TRAPPC9: variants seen among roughly 807,000 people sequenced by gnomAD.
TRAPPC9 encodes trafficking protein particle complex subunit 9.
A neutral mutation model predicts 124.0 loss-of-function variants in TRAPPC9; 83 were observed. The ratio of observed to expected loss-of-function variants is 0.67; its 90% CI spans 0.56 to 0.80. TRAPPC9 has a LOEUF of 0.80. Ranked by LOEUF, TRAPPC9 falls within the 30% of genes least tolerant of loss-of-function variation. The pLI is 0.00. For synonymous variants in TRAPPC9, 638 were observed against 617.5 expected, an observed-to-expected ratio of 1.03 and a Z score of -0.49; for missense variants, 1,302 against 1,508.3, an observed-to-expected ratio of 0.86 and a Z score of 2.27.
chr8:140,051,267 C>T (rs1042022124), intron 17 of TRAPPC9, among the ~76,000 whole-genome samples: 4 of 152,232 alleles, frequency 2.6e-5, no homozygotes, highest in Admixed American at 6.5e-5. Flanking sequence ...GCACCATGAC[C>T]TCAGTGAGCA....
At chr8:139,978,236 T>G (rs1836620790) in intron 19 of TRAPPC9, among the ~76,000 whole-genome samples, 1 of 152,156 alleles carries the variant, frequency 6.6e-6, no homozygotes, top group African/African-American at 2.4e-5. Flanking sequence ...CCCTGGGACC[T>G]TTTTAACGAA....
intron 21 of TRAPPC9, among the ~76,000 whole-genome samples, chr8:139,793,970 C>T (rs1164308508): frequency 3.9e-5 from 6 of 152,094 alleles, no homozygotes; most frequent in South Asian, 2.1e-4. Flanking sequence ...CAGCACCTCC[C>T]GACACGGCCT....
chr8:140,079,500 C>G (rs1351581006), intron 17 of TRAPPC9, among the ~76,000 whole-genome samples: 1 of 152,144 alleles, frequency 6.6e-6, no homozygotes, highest in Non-Finnish European at 1.5e-5. Context: ...AGAAAAGAGG[C>G]ACCTGCAGAA....
chr8:140,118,627 T>C (rs1368792130), intron 17 of TRAPPC9, among the ~76,000 whole-genome samples: 1 of 152,176 alleles, frequency 6.6e-6, no homozygotes, highest in Non-Finnish European at 1.5e-5. Context: ...AGAAGATGCC[T>C]CCACCTGCGG....
In TRAPPC9 at chr8:139,804,838, C is replaced by T. The variant is rs569149576; in HGVS notation, c.3056-72636G>A. Among the ~76,000 whole-genome samples the T allele has an allele frequency of 5.3e-5, 8 of 152,294 alleles. No homozygotes were observed. In the South Asian group the frequency reaches 1.2e-3, roughly 24 times the overall value. Reference sequence around the variant, plus strand: ...GGCAGCTCTCTCCCCACAGCCTCTTCCATGCAGTGCTTCAGACACATTACT... The same window carrying T: ...GGCAGCTCTCTCCCCACAGCCTCTTTCATGCAGTGCTTCAGACACATTACT... On this transcript the variant is annotated intron_variant, in intron 21 of 22. Transcript: ENST00000438773.
chr8:140,001,123 A>G (rs1488214444), intron 18 of TRAPPC9, among the ~76,000 whole-genome samples: 1 of 152,192 alleles, frequency 6.6e-6, no homozygotes, highest in Non-Finnish European at 1.5e-5. Context: ...TAAGCAAACT[A>G]TTGCAAGGAC....
intron 19 of TRAPPC9, among the ~76,000 whole-genome samples, chr8:139,937,184 C>CACTGTG (rs1233951501): frequency 6.6e-6 from 1 of 152,106 alleles, no homozygotes; most frequent in East Asian, 1.9e-4. Flanking sequence ...CAGGACATTG[C>CACTGTG]ACTGTGTTCT....
intron 10 of TRAPPC9, among the ~76,000 whole-genome samples, chr8:140,308,518 C>G (rs1217128111): frequency 6.6e-6 from 1 of 152,062 alleles, no homozygotes; most frequent in Non-Finnish European, 1.5e-5. Flanking sequence ...ACTTCTCTAG[C>G]TAAAGTCTTC....
intron 5 of TRAPPC9, among the ~76,000 whole-genome samples, chr8:140,420,726 T>C (rs2070172679): frequency 6.6e-6 from 1 of 152,068 alleles, no homozygotes; most frequent in Non-Finnish European, 1.5e-5. Context: ...TAAACAAATA[T>C]CTAGTGAAAA....
At chr8:140,283,864 G>A (rs1375624794) in intron 14 of TRAPPC9, 25 bp downstream of exon 14, 4 of 1,613,514 alleles carry the variant, frequency 2.5e-6, no homozygotes, top group South Asian at 1.1e-5. Context: ...GAGCCACTCT[G>A]CTCTGTGACC....
intron 17 of TRAPPC9, among the ~76,000 whole-genome samples, chr8:140,107,322 CATTCCTTTGTTT>C (rs1240758506): frequency 2.6e-5 from 4 of 152,196 alleles, no homozygotes; most frequent in African/African-American, 9.6e-5. Flanking sequence ...TTTTTACGGT[CATTCCTTTGTTT>C]ATTCGCTTAC....
intron 17 of TRAPPC9, among the ~76,000 whole-genome samples, chr8:140,108,056 T>C (rs2060699760): frequency 7.2e-6 from 1 of 138,370 alleles, no homozygotes. Flanking sequence ...GGTTATCCTC[T>C]GGGTGATATC....
At chr8:140,021,592 T>C (rs1839841327) in intron 18 of TRAPPC9, among the ~76,000 whole-genome samples, 1 of 152,234 alleles carries the variant, frequency 6.6e-6, no homozygotes, top group Non-Finnish European at 1.5e-5. Context: ...CTTTTATTTC[T>C]GATGGATGAG....
At chr8:139,745,898 C>A (rs776268938) in intron 21 of TRAPPC9, among the ~76,000 whole-genome samples, 1 of 152,268 alleles carries the variant, frequency 6.6e-6, no homozygotes, top group Non-Finnish European at 1.5e-5. Flanking sequence ...GTGCCCATGG[C>A]GAGCACGCTG....
At chr8:139,888,677 T>C (rs1830160568) in intron 20 of TRAPPC9, among the ~76,000 whole-genome samples, 1 of 152,258 alleles carries the variant, frequency 6.6e-6, no homozygotes. Flanking sequence ...CTTAGAAGAA[T>C]TCTCCAAACG....
At position 140,287,774 on chromosome 8, in the gene TRAPPC9, C is replaced by G. The variant is rs762785500; in HGVS notation, c.1855-40G>C. The G allele has an allele frequency of 3.7e-6, 6 of 1,613,350 alleles. No individual in the cohort carries two copies. In the African/African-American group the frequency reaches 6.7e-5, roughly 18 times the overall value. The stretch of plus-strand genomic sequence containing the variant: ...GCAGCATCGTAAGCCCGGAGCAAAC[C>G]TACTGTGTGTGCTCAGTTCCAAATG... On this transcript the variant is annotated intron_variant, in intron 12 of 22. Coordinates refer to ENST00000438773, the MANE Select transcript of TRAPPC9 (RefSeq NM_001160372.4).
At chr8:139,759,058 A>T (rs1209839075) in intron 21 of TRAPPC9, among the ~76,000 whole-genome samples, 1 of 152,018 alleles carries the variant, frequency 6.6e-6, no homozygotes, top group Non-Finnish European at 1.5e-5. Context: ...AGAGGTGTTG[A>T]TGGCAACTGG....
At chr8:140,290,329 C>A (rs2065613714) in intron 12 of TRAPPC9, among the ~76,000 whole-genome samples, 1 of 152,204 alleles carries the variant, frequency 6.6e-6, no homozygotes, top group Admixed American at 6.5e-5. Context: ...CACAGCAGCA[C>A]CACACAGCAA....
intron 5 of TRAPPC9, among the ~76,000 whole-genome samples, chr8:140,407,240 G>C (rs902131649): frequency 1.1e-4 from 17 of 152,086 alleles, no homozygotes; most frequent in Non-Finnish European, 2.2e-4. Context: ...GGCCATCTTG[G>C]GCCTATGTTC....
Sources: allele counts gnomAD v4.1 joint callset (sites outside exome capture counted in the v4.1 genomes callset), GRCh38; gene constraint gnomAD v4.1.1; transcripts MANE v1.5; gene names NCBI Gene and HGNC (gene_info 2026-07-23, HGNC 2026-07-21).